NAALADL2: variants seen among roughly 807,000 people sequenced by gnomAD.
The protein encoded by NAALADL2 is N-acetylated alpha-linked acidic dipeptidase like 2.
In NAALADL2, 76 loss-of-function variants were observed where a neutral mutation model predicts 87.2. The ratio of observed to expected loss-of-function variants is 0.87; its 90% CI spans 0.72 to 1.05. NAALADL2 has a LOEUF of 1.05. NAALADL2 is among the 50% of genes least tolerant of loss of function. The pLI is 0.00. For synonymous variants in NAALADL2, 354 were observed against 331.0 expected, an observed-to-expected ratio of 1.07 and a Z score of -0.75; for missense variants, 1,089 against 945.8, an observed-to-expected ratio of 1.15 and a Z score of -1.99.
intron 10 of NAALADL2, among the ~76,000 whole-genome samples, chr3:175,600,985 C>G (rs1722907947): frequency 6.6e-6 from 1 of 152,180 alleles, no homozygotes; most frequent in Non-Finnish European, 1.5e-5. Flanking sequence ...TTCCTCCTGT[C>G]AACCATTGCC....
At chr3:174,836,319 G>A (rs1723321819) in intron 3 of NAALADL2, among the ~76,000 whole-genome samples, 1 of 152,114 alleles carries the variant, frequency 6.6e-6, no homozygotes, top group Non-Finnish European at 1.5e-5. Flanking sequence ...GGGCGTTACT[G>A]TAGGCTGAGG....
chr3:174,723,188 G>A (rs1277467544), intron 2 of NAALADL2, among the ~76,000 whole-genome samples: 2 of 152,094 alleles, frequency 1.3e-5, no homozygotes, highest in Non-Finnish European at 1.5e-5. Flanking sequence ...CCTAAAAATT[G>A]CCTGCCTGTG....
intron 1 of NAALADL2, among the ~76,000 whole-genome samples, chr3:174,991,892 C>CCTA (rs1482553240): frequency 6.6e-6 from 1 of 152,004 alleles, no homozygotes; most frequent in Non-Finnish European, 1.5e-5. Flanking sequence ...ATATTCTTGT[C>CCTA]TTGATTGAAA....
chr3:175,500,911 C>G (rs575888736), intron 9 of NAALADL2, among the ~76,000 whole-genome samples: 14 of 152,184 alleles, frequency 9.2e-5, no homozygotes, highest in African/African-American at 3.1e-4. Flanking sequence ...CAGTGAGTGG[C>G]TTTGAATGAC....
At chr3:174,846,787 CATT>C (rs138597182) in intron 3 of NAALADL2, among the ~76,000 whole-genome samples, 1,988 of 152,104 alleles carry the variant, frequency 0.013, 43 homozygotes, top group African/African-American at 0.046. Flanking sequence ...AACATGTTGA[CATT>C]ATTGGGCAGG....
In NAALADL2 at chr3:175,281,062, TCA is replaced by T. The variant is rs1411278629; in HGVS notation, c.939+24533_939+24534del. On this transcript the variant is annotated intron_variant, in intron 4 of 13. Coordinates refer to ENST00000454872, the MANE Select transcript of NAALADL2 (RefSeq NM_207015.3). ...ATTAACATTTGAGGTGCAGTGAATCTCAGTTTTGTTTTTCTTTTGAATTTATA... is the reference window on the plus strand; with the variant it reads ...ATTAACATTTGAGGTGCAGTGAATCTGTTTTGTTTTTCTTTTGAATTTATA... 4.6e-5 allele frequency among the ~76,000 whole-genome samples: 7 copies of T among 151,422 alleles called. No homozygotes were observed. In the South Asian group the frequency reaches 1.0e-3, roughly 22 times the overall value.
intron 2 of NAALADL2, among the ~76,000 whole-genome samples, chr3:174,702,272 T>G (rs1337760999): frequency 6.6e-6 from 1 of 152,226 alleles, no homozygotes; most frequent in Non-Finnish European, 1.5e-5. Context: ...CAATAGGCAA[T>G]GGTGGCTTAG....
intron 3 of NAALADL2, among the ~76,000 whole-genome samples, chr3:174,831,130 A>T (rs1231673277): frequency 1.3e-5 from 2 of 152,026 alleles, no homozygotes; most frequent in African/African-American, 4.8e-5. Flanking sequence ...CCTGGCCAGA[A>T]CTTCCAACAC....
intron 2 of NAALADL2, among the ~76,000 whole-genome samples, chr3:175,215,428 C>T (rs1267134752): frequency 6.6e-6 from 1 of 152,134 alleles, no homozygotes; most frequent in African/African-American, 2.4e-5. Flanking sequence ...GAGCTGAAGA[C>T]CTGCCCAAGG....
chr3:174,480,049 A>G (rs923564417), intron 1 of NAALADL2, among the ~76,000 whole-genome samples: 1 of 152,136 alleles, frequency 6.6e-6, no homozygotes, highest in African/African-American at 2.4e-5. Context: ...CCAGTTAGTA[A>G]AGAACTGAGT....
chr3:175,630,641 T>C (rs1367481894), intron 11 of NAALADL2, among the ~76,000 whole-genome samples: 2 of 151,788 alleles, frequency 1.3e-5, no homozygotes, highest in South Asian at 2.1e-4. Context: ...AAATAGAATA[T>C]AAATTTTAAT....
chr3:175,383,872 A>G (rs1326572180), intron 5 of NAALADL2, among the ~76,000 whole-genome samples: 3 of 152,016 alleles, frequency 2.0e-5, no homozygotes, highest in Non-Finnish European at 2.9e-5. Flanking sequence ...GGGCTCTACT[A>G]TTCTCTAGTT....
intron 2 of NAALADL2, among the ~76,000 whole-genome samples, chr3:175,201,493 G>A (rs529427031): frequency 3.9e-5 from 6 of 152,068 alleles, no homozygotes; most frequent in Non-Finnish European, 5.9e-5. Flanking sequence ...TGAGCCCCAT[G>A]GAATAATTAA....
At chr3:175,706,108 A>T (rs1739665386) in intron 11 of NAALADL2, among the ~76,000 whole-genome samples, 1 of 152,144 alleles carries the variant, frequency 6.6e-6, no homozygotes, top group African/African-American at 2.4e-5. Flanking sequence ...TGAAGAAGAA[A>T]CAAGGAGTGA....
chr3:175,410,504 GGAGGACTTAC>G, intron 5 of NAALADL2, among the ~76,000 whole-genome samples: 1 of 152,024 alleles, frequency 6.6e-6, no homozygotes, highest in Non-Finnish European at 1.5e-5. Context: ...AGATGTTTAT[GGAGGACTTAC>G]TCATGCCAGG....
At chr3:175,434,777 G>C (rs1282144001) in intron 5 of NAALADL2, among the ~76,000 whole-genome samples, 1 of 151,852 alleles carries the variant, frequency 6.6e-6, no homozygotes, top group Non-Finnish European at 1.5e-5. Flanking sequence ...GCTTCTCAGG[G>C]GAATGCCTCT....
At chr3:175,069,832 A>G (rs933871551) in intron 1 of NAALADL2, among the ~76,000 whole-genome samples, 18 of 149,626 alleles carry the variant, frequency 1.2e-4, no homozygotes, top group Non-Finnish European at 2.4e-4. Context: ...CTATGCAGCC[A>G]TAAAAAATGA....
chr3:174,469,770 GT>G (rs1716785801), intron 1 of NAALADL2, among the ~76,000 whole-genome samples: 2 of 152,006 alleles, frequency 1.3e-5, no homozygotes, highest in South Asian at 2.1e-4. Context: ...CCTGGTTTGT[GT>G]TAAATGGAGG....
chr3:174,813,615 A>T (rs996962478), intron 3 of NAALADL2, among the ~76,000 whole-genome samples: 2 of 152,182 alleles, frequency 1.3e-5, no homozygotes, highest in Admixed American at 6.5e-5. Flanking sequence ...CTCAGAACTT[A>T]TCCTTGTTGA....
Sources: allele counts gnomAD v4.1 joint callset (sites outside exome capture counted in the v4.1 genomes callset), GRCh38; gene constraint gnomAD v4.1.1; transcripts MANE v1.5; gene names NCBI Gene and HGNC (gene_info 2026-07-23, HGNC 2026-07-21).